FOXP2: variants seen among roughly 807,000 people sequenced by gnomAD.
FOXP2 encodes the protein forkhead box protein P2.
FOXP2 carries 12 observed loss-of-function variants against 115.8 expected under a neutral mutation model. The observed-to-expected ratio is 0.10, with a 90% CI of 0.07 to 0.17. FOXP2 has a LOEUF of 0.17. FOXP2 is among the 10% of genes least tolerant of loss of function. The pLI is 1.00. For synonymous variants in FOXP2, 328 were observed against 297.7 expected, an observed-to-expected ratio of 1.10 and a Z score of -1.05; for missense variants, 629 against 843.5, an observed-to-expected ratio of 0.75 and a Z score of 3.15.
chr7:114,347,337 T>G (rs1342518550), intron 2 of FOXP2, among the ~76,000 whole-genome samples: 1 of 152,038 alleles, frequency 6.6e-6, no homozygotes, highest in Non-Finnish European at 1.5e-5. Context: ...TACATATACA[T>G]ACATATACAC....
chr7:114,251,315 T>C (rs1795435695), intron 1 of FOXP2, among the ~76,000 whole-genome samples: 1 of 152,182 alleles, frequency 6.6e-6, no homozygotes, highest in Admixed American at 6.5e-5. Context: ...TTGAAATAGT[T>C]TTTTCTAATT....
chr7:114,328,880 A>G (rs1797626281), intron 2 of FOXP2, among the ~76,000 whole-genome samples: 1 of 152,162 alleles, frequency 6.6e-6, no homozygotes, highest in South Asian at 2.1e-4. Context: ...GCACATACTA[A>G]CCATGATATA....
chr7:114,428,837 TA>T (rs1424313497), intron 2 of FOXP2, among the ~76,000 whole-genome samples: 1 of 151,542 alleles, frequency 6.6e-6, no homozygotes, highest in Non-Finnish European at 1.5e-5. Context: ...GCATATTTAT[TA>T]AAACAAATTT....
chr7:114,563,348 T>A (rs1191404899), intron 3 of FOXP2, among the ~76,000 whole-genome samples: 1 of 152,208 alleles, frequency 6.6e-6, no homozygotes, highest in Non-Finnish European at 1.5e-5. Context: ...TTGATACAAC[T>A]TCTCTTAACA....
chr7:114,331,311 A>G (rs1480928193), intron 2 of FOXP2, among the ~76,000 whole-genome samples: 2 of 152,240 alleles, frequency 1.3e-5, no homozygotes, highest in African/African-American at 4.8e-5. Context: ...TTTATTGGAC[A>G]AAAGTCTCAG....
chr7:114,550,161 A>C (rs1584883432), intron 3 of FOXP2, among the ~76,000 whole-genome samples: 1 of 124,594 alleles, frequency 8.0e-6, no homozygotes, highest in South Asian at 2.4e-4. Context: ...TCTGTCGCCC[A>C]GGCTGGAGTG....
At chr7:114,409,640 T>G (rs1793118402), upstream of FOXP2, among the ~76,000 whole-genome samples, 1 of 152,182 alleles carries the variant, frequency 6.6e-6, no homozygotes. Flanking sequence ...CTGGCAATTT[T>G]TCTCTGCCTC....
Position 114,138,514 on chromosome 7 carries a change from C to T in FOXP2, c.-246-24430C>T, listed in dbSNP as rs1461912227. Among the ~76,000 whole-genome samples the T allele has an allele frequency of 2.0e-5, 3 of 151,778 alleles. No homozygotes were observed. The East Asian group carries it at 5.8e-4, about 29-fold the overall frequency. The stretch of plus-strand genomic sequence containing the variant: ...TCACATGATTCTCCTGCCTCAGCCT[C>T]CCGAGTAGCTGGGATTACAGGTGCA... On this transcript the variant is annotated intron_variant, in intron 1 of 19. Coordinates refer to the FOXP2 transcript ENST00000635638.
chr7:114,337,419 C>A (rs943145927), intron 2 of FOXP2, among the ~76,000 whole-genome samples: 10 of 151,130 alleles, frequency 6.6e-5, no homozygotes, highest in African/African-American at 2.4e-4. Context: ...AGCGATTCAA[C>A]TATTTTTACA....
intron 2 of FOXP2, among the ~76,000 whole-genome samples, chr7:114,363,829 T>A (rs926381426): frequency 6.6e-6 from 1 of 151,470 alleles, no homozygotes; most frequent in Admixed American, 6.6e-5. Context: ...TATGTGTATT[T>A]AAAAAAAAAG....
chr7:114,538,292 A>G, intron 3 of FOXP2: 3 of 1,277,438 alleles, frequency 2.3e-6, no homozygotes, highest in Non-Finnish European at 3.1e-6. Context: ...AGATATGAAA[A>G]TTGGTCGCAT....
chr7:114,616,393 C>T (rs777404123), intron 3 of FOXP2, among the ~76,000 whole-genome samples: 53 of 152,138 alleles, frequency 3.5e-4, no homozygotes, highest in Non-Finnish European at 6.0e-4. Context: ...GAACTCCTGA[C>T]CTCAGGTGTT....
intron 2 of FOXP2, among the ~76,000 whole-genome samples, chr7:114,520,321 A>G (rs529461961): frequency 6.6e-6 from 1 of 152,082 alleles, no homozygotes; most frequent in South Asian, 2.1e-4. Flanking sequence ...TTGATCTACC[A>G]TATTTTGAAT....
At chr7:114,116,807 G>C (rs1791419836) in intron 1 of FOXP2, among the ~76,000 whole-genome samples, 1 of 152,026 alleles carries the variant, frequency 6.6e-6, no homozygotes, top group African/African-American at 2.4e-5. Context: ...CTTCATAAGA[G>C]AACCATCCCC....
Position 114,107,918 on chromosome 7 carries a change from A to G in FOXP2, c.-247+20080A>G, listed in dbSNP as rs1444733743. On this transcript the variant is annotated intron_variant, in intron 1 of 19. Coordinates refer to the FOXP2 transcript ENST00000635638. ...TTGTACTTACTTAGAGGTCAACTTTAGTAAAATTTTAAAGTCAATATATGG... is the reference window on the plus strand; with the variant it reads ...TTGTACTTACTTAGAGGTCAACTTTGGTAAAATTTTAAAGTCAATATATGG... Among the ~76,000 whole-genome samples, 4 of 151,968 alleles carry G rather than the reference A, an allele frequency of 2.6e-5. No individual in the cohort carries two copies. The East Asian group carries it at 5.8e-4, about 22-fold the overall frequency.
At chr7:114,173,442 C>T (rs1476670866) in intron 1 of FOXP2, among the ~76,000 whole-genome samples, 1 of 149,948 alleles carries the variant, frequency 6.7e-6, no homozygotes, top group Non-Finnish European at 1.5e-5. Context: ...TTAATTTTCC[C>T]AGGAGTGAAC....
intron 3 of FOXP2, among the ~76,000 whole-genome samples, chr7:114,610,552 T>G (rs1803572195): frequency 6.6e-6 from 1 of 152,172 alleles, no homozygotes; most frequent in Non-Finnish European, 1.5e-5. Context: ...TAAAGGAAGA[T>G]TACTTTTGTA....
At chr7:114,164,753 T>A (rs1393878767) in intron 1 of FOXP2, among the ~76,000 whole-genome samples, 1 of 152,208 alleles carries the variant, frequency 6.6e-6, no homozygotes, top group Non-Finnish European at 1.5e-5. Context: ...AAAAATGTGA[T>A]GAAACTTTAA....
At chr7:114,424,667 G>A (rs541239607) in intron 1 of FOXP2, among the ~76,000 whole-genome samples, 3 of 151,360 alleles carry the variant, frequency 2.0e-5, no homozygotes, top group East Asian at 1.9e-4. Flanking sequence ...CCATCACTAT[G>A]TATCAGTTTT....
Sources: gnomAD v4.1 joint callset for allele counts (sites outside exome capture counted in the v4.1 genomes callset) on GRCh38, gnomAD v4.1.1 for gene constraint, MANE v1.5 for transcripts, NCBI Gene and HGNC (gene_info 2026-07-23, HGNC 2026-07-21) for gene names.